TRMT10B: variants seen among roughly 807,000 people sequenced by gnomAD.
TRMT10B encodes tRNA methyltransferase 10 homolog B.
TRMT10B carries 33 observed loss-of-function variants against 43.8 expected under a neutral mutation model. The ratio of observed to expected loss-of-function variants is 0.75; its 90% CI spans 0.57 to 1.01. The LOEUF is 1.01. Among genes scored for constraint, TRMT10B ranks in the 50% least tolerant of loss-of-function variants. TRMT10B has a pLI of 0.00. For missense variants in TRMT10B, 362 were observed against 369.8 expected (o/e 0.98, Z 0.17); for synonymous variants, 137 against 130.6 (o/e 1.05, Z -0.34).
chr9:37,754,459 A>G (rs1258622759), intron 1 of TRMT10B, among the ~76,000 whole-genome samples: 1 of 152,214 alleles, frequency 6.6e-6, no homozygotes, highest in South Asian at 2.1e-4. Flanking sequence ...TGCATAGGTC[A>G]TTGTATGGAT....
At chr9:37,753,033 A>G (rs543018850), upstream of TRMT10B, among the ~76,000 whole-genome samples, 1 of 151,942 alleles carries the variant, frequency 6.6e-6, no homozygotes, top group Non-Finnish European at 1.5e-5. Context: ...CTGTATTTGC[A>G]GCTCTTTCTT....
chr9:37,762,753 TGA>T (rs1826503246), intron 3 of TRMT10B, 68 bp downstream of exon 3: 1 of 1,488,280 alleles, frequency 6.7e-7, no homozygotes, highest in Admixed American at 2.4e-5. Context: ...CATGTTCCAA[TGA>T]GAGTAGGAAT....
chr9:37,756,411 A>T (rs1310107236), intron 1 of TRMT10B, among the ~76,000 whole-genome samples: 1 of 59,280 alleles, frequency 1.7e-5, no homozygotes, highest in South Asian at 4.8e-4. Context: ...TCTTTTGTTT[A>T]AAAAAAAAAA....
chr9:37,754,967 G>A (rs897713362), intron 1 of TRMT10B, among the ~76,000 whole-genome samples: 2 of 152,150 alleles, frequency 1.3e-5, no homozygotes, highest in Admixed American at 6.6e-5. Context: ...TTGGGGAAGG[G>A]AGAGTTATAT....
At chr9:37,756,480 G>C (rs1825686968) in intron 1 of TRMT10B, among the ~76,000 whole-genome samples, 1 of 151,952 alleles carries the variant, frequency 6.6e-6, no homozygotes, top group South Asian at 2.1e-4. Context: ...CCTGAGATGG[G>C]TGGATCACTT....
At chr9:37,777,010 A>C (rs139317749) in intron 8 of TRMT10B, among the ~76,000 whole-genome samples, 2,216 of 151,386 alleles carry the variant, frequency 0.015, 48 homozygotes, top group African/African-American at 0.048. Flanking sequence ...CCTGACCAAC[A>C]TGGAGAAACA....
intron 1 of TRMT10B, among the ~76,000 whole-genome samples, chr9:37,757,736 G>A (rs1825872166): frequency 6.6e-6 from 1 of 152,160 alleles, no homozygotes; most frequent in South Asian, 2.1e-4. Context: ...TATTTCATGA[G>A]TACTTGTTTT....
chr9:37,758,411 G>GA (rs1352667313), intron 1 of TRMT10B, among the ~76,000 whole-genome samples: 3 of 152,050 alleles, frequency 2.0e-5, no homozygotes, highest in Non-Finnish European at 4.4e-5. Context: ...GACCCTGTCT[G>GA]AAAAAATAAT....
intron 7 of TRMT10B, among the ~76,000 whole-genome samples, chr9:37,771,550 G>A (rs766129768): frequency 1.7e-4 from 26 of 152,170 alleles, no homozygotes; most frequent in Non-Finnish European, 2.4e-4. Flanking sequence ...AAATATTAGT[G>A]TTCCATGACT....
Position 37,762,051 on chromosome 9 carries a change from G to C in TRMT10B, c.120G>C (p.Gln40His). ...TTCCTGAAGGCTTCCAGCTTCTGCAGATCGATGCGGAAGGCGAGTGCCAGG... is the reference window on the plus strand; with the variant it reads ...TTCCTGAAGGCTTCCAGCTTCTGCACATCGATGCGGAAGGCGAGTGCCAGG... Reference protein sequence around the residue: ...DGLPEGFQLLQIDAEGECQEG... With the variant: ...DGLPEGFQLLHIDAEGECQEG... Residue 40 changes from glutamine (Q) to histidine (H), a missense_variant, in exon 2 of 9, where the codon CAG becomes CAC. Transcript: ENST00000297994. 6.2e-7 allele frequency: 1 copy of C among 1,614,156 alleles called. No homozygotes were observed. The highest frequency in any genetic ancestry group is 1.1e-5 in the South Asian group (1 of 91,064).
rs1309069411 is a variant in TRMT10B at position 37,763,586 on chromosome 9, T to C, written c.296-43T>C. Reference sequence around the variant, plus strand: ...AGATTTGTTTCTTATATAATATTCCTCTGGTTTTCCACTTTTATTTCTTTC... The same window carrying C: ...AGATTTGTTTCTTATATAATATTCCCCTGGTTTTCCACTTTTATTTCTTTC... On this transcript the variant is annotated intron_variant, in intron 3 of 8. Coordinates refer to ENST00000297994, the MANE Select transcript of TRMT10B (RefSeq NM_144964.4). 14 of 1,568,524 alleles carry C rather than the reference T, an allele frequency of 8.9e-6. No individual in the cohort carries two copies. The South Asian group carries it at 1.1e-4, about 13-fold the overall frequency.
chr9:37,756,974 G>A (rs1046984990), intron 1 of TRMT10B, among the ~76,000 whole-genome samples: 2 of 151,544 alleles, frequency 1.3e-5, no homozygotes, highest in Admixed American at 1.3e-4. Flanking sequence ...TTCGATACTG[G>A]CCTGGGCAAC....
At chr9:37,757,319 T>A (rs988815388) in intron 1 of TRMT10B, among the ~76,000 whole-genome samples, 1 of 152,102 alleles carries the variant, frequency 6.6e-6, no homozygotes, top group Non-Finnish European at 1.5e-5. Flanking sequence ...CAATTGATCC[T>A]CCCTCCTCAG....
intron 1 of TRMT10B, among the ~76,000 whole-genome samples, chr9:37,755,617 T>C (rs1165384749): frequency 2.0e-5 from 3 of 152,096 alleles, no homozygotes; most frequent in Admixed American, 6.6e-5. Context: ...ACAAAAGAGG[T>C]GGGCCCCGCC....
intron 1 of TRMT10B, among the ~76,000 whole-genome samples, chr9:37,760,417 T>C (rs1826199754): frequency 6.6e-6 from 1 of 152,170 alleles, no homozygotes; most frequent in Non-Finnish European, 1.5e-5. Flanking sequence ...CCTAGCTACA[T>C]GGGAGGCTGA....
At chr9:37,776,902 C>CA (rs60979956) in intron 8 of TRMT10B, among the ~76,000 whole-genome samples, 4,091 of 142,614 alleles carry the variant, frequency 0.029, 196 homozygotes, top group African/African-American at 0.099. Context: ...GTCTCAAAAA[C>CA]AAAAAAAAAA....
intron 1 of TRMT10B, among the ~76,000 whole-genome samples, chr9:37,757,229 G>A (rs1400583469): frequency 6.6e-6 from 1 of 152,128 alleles, no homozygotes; most frequent in Admixed American, 6.5e-5. Flanking sequence ...GACTACAGGT[G>A]TGCATCATCA....
intron 4 of TRMT10B, among the ~76,000 whole-genome samples, chr9:37,765,633 C>T (rs1826906809): frequency 6.6e-6 from 1 of 152,150 alleles, no homozygotes; most frequent in Non-Finnish European, 1.5e-5. Context: ...AATGGTATTT[C>T]TGGTTCTAGA....
Position 37,770,857 on chromosome 9 carries a change from A to C in TRMT10B, c.720+118A>C, listed in dbSNP as rs542257077. 5.7e-6 allele frequency: 6 copies of C among 1,055,786 alleles called. No individual in the cohort carries two copies. The Admixed American group carries it at 1.2e-4, about 22-fold the overall frequency. The allele number at this position is 1,055,786 out of a possible 1,614,324, so 65.4% of individuals were successfully genotyped here. A position where few individuals can be genotyped will look rare whatever the true frequency, so the allele number is the denominator to read the frequency against. ...AAGAACTCAGAGGGAACAGGAAGAA[A>C]GAGCCATCCCCACCAGGTTGGCCCT... On this transcript the variant is annotated intron_variant, in intron 7 of 8. Coordinates refer to ENST00000297994, the MANE Select transcript of TRMT10B (RefSeq NM_144964.4).
Sources: allele counts gnomAD v4.1 joint callset (sites outside exome capture counted in the v4.1 genomes callset), GRCh38; gene constraint gnomAD v4.1.1; transcripts MANE v1.5; gene names NCBI Gene and HGNC (gene_info 2026-07-23, HGNC 2026-07-21).